TNFAIP8L3: variants seen among roughly 807,000 people sequenced by gnomAD.
TNFAIP8L3 encodes the protein tumor necrosis factor alpha-induced protein 8-like protein 3.
TNFAIP8L3 carries 7 observed loss-of-function variants against 11.8 expected under a neutral mutation model. That is an observed-to-expected ratio of 0.59 (90% CI 0.34 to 1.11). The LOEUF is 1.11. Among genes scored for constraint, TNFAIP8L3 ranks in the 50% most tolerant of loss-of-function variants. TNFAIP8L3 has a pLI of 0.03. For missense variants in TNFAIP8L3, 219 were observed against 258.6 expected, an observed-to-expected ratio of 0.85 and a Z score of 1.05; for synonymous variants, 98 against 103.8, an observed-to-expected ratio of 0.94 and a Z score of 0.34.
chr15:51,066,351 C>T (rs192565587), intron 1 of TNFAIP8L3, among the ~76,000 whole-genome samples: 6 of 151,966 alleles, frequency 3.9e-5, no homozygotes, highest in Admixed American at 2.0e-4. Context: ...TTAGTAGAGA[C>T]GGGGTTTCAA....
intron 1 of TNFAIP8L3, among the ~76,000 whole-genome samples, chr15:51,072,582 T>A (rs547106355): frequency 6.6e-6 from 1 of 152,232 alleles, no homozygotes; most frequent in Non-Finnish European, 1.5e-5. Flanking sequence ...AAAGGTTTTG[T>A]TTTTCACATT....
intron 1 of TNFAIP8L3, among the ~76,000 whole-genome samples, chr15:51,083,645 TG>T (rs1278064853): frequency 1.3e-5 from 2 of 152,246 alleles, no homozygotes; most frequent in Non-Finnish European, 2.9e-5. Context: ...TTGGCCAGTC[TG>T]TAGGCCTCAT....
intron 1 of TNFAIP8L3, among the ~76,000 whole-genome samples, chr15:51,074,106 C>T (rs928110754): frequency 1.3e-5 from 2 of 152,170 alleles, no homozygotes; most frequent in African/African-American, 4.8e-5. Flanking sequence ...TGAGATTGGT[C>T]TATAACTTTT....
chr15:51,062,486 A>G (rs1197996910), intron 1 of TNFAIP8L3, among the ~76,000 whole-genome samples: 1 of 152,134 alleles, frequency 6.6e-6, no homozygotes, highest in Non-Finnish European at 1.5e-5. Context: ...ATGTACAAAG[A>G]ATACGTATTG....
intron 1 of TNFAIP8L3, chr15:51,064,703 C>G (rs2065259610): frequency 1.3e-5 from 2 of 152,166 alleles, no homozygotes; most frequent in African/African-American, 2.4e-5. Context: ...AGGGAGCAGT[C>G]CCATTTGCAA....
intron 1 of TNFAIP8L3, among the ~76,000 whole-genome samples, chr15:51,082,264 T>G (rs141404723): frequency 1.3e-5 from 2 of 152,280 alleles, no homozygotes; most frequent in East Asian, 3.9e-4. Context: ...GGCTACAAAC[T>G]TGTACCGTAT....
In TNFAIP8L3 at chr15:51,057,498, T is replaced by A. The variant is rs2065213813; in HGVS notation, c.*383A>T. 5.9e-6 allele frequency: 1 copy of A among 168,672 alleles called. No homozygotes were observed. The allele number at this position is 168,672 out of a possible 1,614,324, so 10.4% of individuals were successfully genotyped here. ...CTGTGAGGCAGGCAGGCAGGCATCA[T>A]GGTTCCAGAATGCAGAGGACAGAGT... On this transcript the variant is annotated 3_prime_UTR_variant, in exon 2 of 2. Transcript: ENST00000637513.
At chr15:51,066,473 C>A (rs908986721) in intron 1 of TNFAIP8L3, among the ~76,000 whole-genome samples, 1 of 152,168 alleles carries the variant, frequency 6.6e-6, no homozygotes, top group African/African-American at 2.4e-5. Flanking sequence ...TGAACTTGAA[C>A]TTTCATGATG....
At chr15:51,085,590 T>C (rs2065421832) in intron 1 of TNFAIP8L3, among the ~76,000 whole-genome samples, 1 of 151,410 alleles carries the variant, frequency 6.6e-6, no homozygotes, top group Non-Finnish European at 1.5e-5. Flanking sequence ...AAAGTCCTTT[T>C]GATATCTCAA....
intron 1 of TNFAIP8L3, among the ~76,000 whole-genome samples, chr15:51,063,798 G>T (rs76904475): frequency 6.6e-6 from 1 of 152,312 alleles, no homozygotes; most frequent in East Asian, 1.9e-4. Flanking sequence ...GCCCACACTG[G>T]CATGAGTGAG....
At chr15:51,091,436 T>A (rs986844010) in intron 1 of TNFAIP8L3, among the ~76,000 whole-genome samples, 4 of 152,190 alleles carry the variant, frequency 2.6e-5, no homozygotes, top group African/African-American at 7.2e-5. Flanking sequence ...CAATGGAATG[T>A]GGGAGGTGGA....
At chr15:51,078,917 A>G (rs1486173211) in intron 1 of TNFAIP8L3, among the ~76,000 whole-genome samples, 1 of 152,018 alleles carries the variant, frequency 6.6e-6, no homozygotes, top group Non-Finnish European at 1.5e-5. Context: ...TTCTTCCCCG[A>G]ATGCTTGTCT....
intron 1 of TNFAIP8L3, 22 bp from the exon 2 acceptor site, chr15:51,058,465 T>C (rs758235797): frequency 6.9e-7 from 1 of 1,457,080 alleles, no homozygotes; most frequent in Admixed American, 2.5e-5. Flanking sequence ...AAAATATATA[T>C]AAAAGTTTTA....
chr15:51,071,258 A>G (rs2065307532), intron 1 of TNFAIP8L3, among the ~76,000 whole-genome samples: 2 of 152,226 alleles, frequency 1.3e-5, no homozygotes, highest in South Asian at 4.2e-4. Context: ...CATATGGCCA[A>G]AATAGAACAT....
At chr15:51,090,633 CA>C (rs2065461517) in intron 1 of TNFAIP8L3, among the ~76,000 whole-genome samples, 1 of 152,200 alleles carries the variant, frequency 6.6e-6, no homozygotes, top group Non-Finnish European at 1.5e-5. Context: ...ACCTCCTCAA[CA>C]GGATCCTATT....
upstream of TNFAIP8L3, among the ~76,000 whole-genome samples, chr15:51,098,168 C>T (rs1177695997): frequency 1.3e-5 from 2 of 152,206 alleles, no homozygotes; most frequent in African/African-American, 4.8e-5. Context: ...AGATCCATTT[C>T]TGCTAACACA....
chr15:51,058,763 C>T (rs189845285), intron 1 of TNFAIP8L3, among the ~76,000 whole-genome samples: 3 of 152,340 alleles, frequency 2.0e-5, no homozygotes, highest in Admixed American at 6.5e-5. Context: ...ATTCTACTAG[C>T]TCACAGAGAA....
intron 1 of TNFAIP8L3, among the ~76,000 whole-genome samples, chr15:51,079,855 CAAAA>C (rs10602536): frequency 3.1e-4 from 24 of 77,586 alleles, no homozygotes; most frequent in African/African-American, 6.9e-4. Context: ...GACTTTGTCT[CAAAA>C]AAAAAAAAAA....
At chr15:51,073,565 C>T (rs561407932) in intron 1 of TNFAIP8L3, among the ~76,000 whole-genome samples, 60 of 152,306 alleles carry the variant, frequency 3.9e-4, no homozygotes, top group African/African-American at 1.4e-3. Context: ...GACATTTTGC[C>T]GAGCTCTGTT....
Sources: allele counts gnomAD v4.1 joint callset (sites outside exome capture counted in the v4.1 genomes callset), GRCh38; gene constraint gnomAD v4.1.1; transcripts MANE v1.5; gene names NCBI Gene and HGNC (gene_info 2026-07-23, HGNC 2026-07-21).